The following NKAIN2 variants were observed in gnomAD, a reference collection of about 807,000 sequenced individuals.
NKAIN2 encodes the protein sodium/potassium transporting ATPase interacting 2, also known as sodium/potassium-transporting ATPase subunit beta-1-interacting protein 2.
Under a neutral mutation model 32.6 loss-of-function variants are expected in NKAIN2, and 14 were observed. The observed-to-expected ratio is 0.43, with a 90% CI of 0.28 to 0.67. The LOEUF (loss-of-function observed/expected upper bound fraction) is 0.67. Among genes scored for constraint, NKAIN2 ranks in the 30% least tolerant of loss-of-function variants. The probability of loss-of-function intolerance (pLI) is 0.17; values close to 1 mark genes in which losing one functional copy is unlikely to be tolerated. For synonymous variants in NKAIN2, 80 were observed against 87.2 expected, an observed-to-expected ratio of 0.92 and a Z score of 0.46; for missense variants, 198 against 258.3, an observed-to-expected ratio of 0.77 and a Z score of 1.60.
chr6:124,539,989 AG>A (rs1354132366), intron 3 of NKAIN2, among the ~76,000 whole-genome samples: 4 of 152,168 alleles, frequency 2.6e-5, no homozygotes, highest in Non-Finnish European at 5.9e-5. Context: ...CCAAAGTGCT[AG>A]GATTATAGGC....
chr6:124,092,935 TTC>T (rs549228543), intron 1 of NKAIN2, among the ~76,000 whole-genome samples: 1 of 152,084 alleles, frequency 6.6e-6, no homozygotes, highest in African/African-American at 2.4e-5. Context: ...CCACTGATTT[TTC>T]TCTCTATTTA....
intron 1 of NKAIN2, among the ~76,000 whole-genome samples, chr6:124,207,143 T>A (rs1790934125): frequency 6.6e-6 from 1 of 151,642 alleles, no homozygotes; most frequent in Admixed American, 6.6e-5. Flanking sequence ...AATAAGGAAC[T>A]TTGCCAGGTG....
At chr6:124,762,244 T>C (rs1778302561) in intron 4 of NKAIN2, among the ~76,000 whole-genome samples, 1 of 152,194 alleles carries the variant, frequency 6.6e-6, no homozygotes, top group Non-Finnish European at 1.5e-5. Flanking sequence ...TGTGTCCTCA[T>C]GTCATGTTTT....
intron 3 of NKAIN2, among the ~76,000 whole-genome samples, chr6:124,635,029 G>T (rs1217733617): frequency 6.7e-6 from 1 of 149,692 alleles, no homozygotes; most frequent in African/African-American, 2.5e-5. Context: ...GGTAAGGAAA[G>T]GAAGAAGAGG....
rs564031567 is a variant in NKAIN2 at position 124,124,804 on chromosome 6, G to A, written c.55-158201G>A. On this transcript the variant is annotated intron_variant, in intron 1 of 6. Transcript: ENST00000368417. ...CTTTGGAAGTATTACAGAGGTAGAG[G>A]TTGATGGATCTGAACTGTTCATCAT... 7.2e-5 allele frequency among the ~76,000 whole-genome samples: 11 copies of A among 152,268 alleles called. No homozygotes were observed. The East Asian group carries it at 1.7e-3, about 24-fold the overall frequency.
intron 3 of NKAIN2, among the ~76,000 whole-genome samples, chr6:124,525,819 G>A (rs544241126): frequency 5.3e-5 from 8 of 152,226 alleles, no homozygotes; most frequent in Admixed American, 4.6e-4. Context: ...TGTTAAGGAC[G>A]TAGAATCTGT....
chr6:123,974,102 T>C (rs1351127806), intron 1 of NKAIN2, among the ~76,000 whole-genome samples: 2 of 152,122 alleles, frequency 1.3e-5, no homozygotes, highest in Non-Finnish European at 2.9e-5. Flanking sequence ...CTACAGAGAA[T>C]GTTATTAGAT....
intron 4 of NKAIN2, among the ~76,000 whole-genome samples, chr6:124,704,066 T>C (rs1489054737): frequency 6.6e-6 from 1 of 151,936 alleles, no homozygotes; most frequent in Non-Finnish European, 1.5e-5. Context: ...TGGAAAAACG[T>C]TGGTGTAGAT....
intron 3 of NKAIN2, among the ~76,000 whole-genome samples, chr6:124,389,137 C>T (rs1260020411): frequency 6.6e-6 from 1 of 152,088 alleles, no homozygotes; most frequent in Non-Finnish European, 1.5e-5. Flanking sequence ...AGGAACCTAA[C>T]ACTGTATTTC....
At chr6:124,648,408 T>C (rs1337594444) in intron 3 of NKAIN2, among the ~76,000 whole-genome samples, 1 of 152,282 alleles carries the variant, frequency 6.6e-6, no homozygotes, top group South Asian at 2.1e-4. Flanking sequence ...AAATTGATAA[T>C]TGCAAAATTT....
intron 1 of NKAIN2, among the ~76,000 whole-genome samples, chr6:124,257,777 T>A (rs1794017775): frequency 7.8e-6 from 1 of 127,828 alleles, no homozygotes; most frequent in African/African-American, 3.9e-5. Context: ...ATTTTTTTCT[T>A]TTCTTTTTTT....
intron 4 of NKAIN2, among the ~76,000 whole-genome samples, chr6:124,711,453 C>T (rs1338743120): frequency 1.3e-5 from 2 of 150,964 alleles, no homozygotes; most frequent in Non-Finnish European, 2.9e-5. Flanking sequence ...CTTTCAGGTA[C>T]ACCAGTCAGA....
At chr6:123,951,379 G>A (rs1777317988) in intron 1 of NKAIN2, among the ~76,000 whole-genome samples, 2 of 151,974 alleles carry the variant, frequency 1.3e-5, no homozygotes, top group East Asian at 1.9e-4. Flanking sequence ...AATTATTATT[G>A]TATTAGAGTT....
At chr6:124,165,505 AT>A (rs1304750860) in intron 1 of NKAIN2, among the ~76,000 whole-genome samples, 1 of 151,782 alleles carries the variant, frequency 6.6e-6, no homozygotes, top group Non-Finnish European at 1.5e-5. Context: ...CAGTTTATGT[AT>A]TTTTTTATTT....
intron 1 of NKAIN2, among the ~76,000 whole-genome samples, chr6:123,864,864 A>G (rs1408749283): frequency 6.6e-6 from 1 of 152,230 alleles, no homozygotes; most frequent in Non-Finnish European, 1.5e-5. Context: ...TTGGTTATTT[A>G]GAACAATTAG....
intron 2 of NKAIN2, among the ~76,000 whole-genome samples, chr6:124,337,012 T>C (rs1181171423): frequency 5.3e-5 from 8 of 152,236 alleles, no homozygotes; most frequent in Non-Finnish European, 2.9e-5. Flanking sequence ...GTAATTATGA[T>C]ACTAATAGAT....
chr6:124,020,551 A>T (rs900253343), intron 1 of NKAIN2, among the ~76,000 whole-genome samples: 2 of 152,154 alleles, frequency 1.3e-5, no homozygotes, highest in Non-Finnish European at 2.9e-5. Context: ...CAACCAACAA[A>T]AAAGAAAACC....
intron 1 of NKAIN2, among the ~76,000 whole-genome samples, chr6:124,017,022 A>G (rs1227136894): frequency 1.3e-5 from 2 of 152,176 alleles, no homozygotes; most frequent in African/African-American, 4.8e-5. Flanking sequence ...GTAAAAACAT[A>G]TCTGAGACTA....
At chr6:124,217,608 G>C (rs1012900926) in intron 1 of NKAIN2, among the ~76,000 whole-genome samples, 4 of 151,854 alleles carry the variant, frequency 2.6e-5, no homozygotes, top group Non-Finnish European at 4.4e-5. Context: ...TTAAACATTT[G>C]GTAATGTGAA....
Sources: allele counts gnomAD v4.1 joint callset (sites outside exome capture counted in the v4.1 genomes callset), GRCh38; gene constraint gnomAD v4.1.1; transcripts MANE v1.5; gene names NCBI Gene and HGNC (gene_info 2026-07-23, HGNC 2026-07-21).